Variants in SNTG2 observed in about 807,000 individuals in gnomAD.
SNTG2 encodes the protein syntrophin gamma 2.
SNTG2 carries 74 observed loss-of-function variants against 70.9 expected under a neutral mutation model. The ratio of observed to expected loss-of-function variants is 1.04; its 90% CI spans 0.86 to 1.27. SNTG2 has a LOEUF of 1.27. Among genes scored for constraint, SNTG2 ranks in the 50% most tolerant of loss-of-function variants. SNTG2 has a pLI of 0.00. For missense variants in SNTG2, 717 were observed against 690.7 expected (o/e 1.04, Z -0.43); for synonymous variants, 278 against 273.8 (o/e 1.02, Z -0.15).
At chr2:1,295,221 C>T (rs1274925287) in intron 14 of SNTG2, among the ~76,000 whole-genome samples, 3 of 152,132 alleles carry the variant, frequency 2.0e-5, no homozygotes, top group East Asian at 1.9e-4. Flanking sequence ...ACTGAAGCGG[C>T]CACATGCTGG....
At chr2:1,198,632 T>C (rs34425138) in intron 8 of SNTG2, among the ~76,000 whole-genome samples, 2,940 of 152,020 alleles carry the variant, frequency 0.019, 154 homozygotes, top group Admixed American at 0.12. Context: ...TTTAGTAAGA[T>C]AAAATTGATA....
chr2:1,120,586 A>G (rs546240126), intron 4 of SNTG2, among the ~76,000 whole-genome samples: 3 of 152,294 alleles, frequency 2.0e-5, no homozygotes, highest in South Asian at 4.1e-4. Context: ...ATGGTAGCCA[A>G]AAGAGAGAAG....
intron 2 of SNTG2, among the ~76,000 whole-genome samples, chr2:1,085,515 C>T (rs369889020): frequency 4.9e-4 from 75 of 152,282 alleles, no homozygotes; most frequent in East Asian, 2.5e-3. Flanking sequence ...ACAACATTAA[C>T]GGATAGATGT....
chr2:1,203,690 A>ATATATATATATATATG, intron 8 of SNTG2, among the ~76,000 whole-genome samples: 1 of 141,376 alleles, frequency 7.1e-6, no homozygotes, highest in African/African-American at 2.6e-5. Flanking sequence ...ATATATATAT[A>ATATATATATATATATG]TGTGTGTGTG....
At chr2:1,082,730 G>A (rs542132355) in intron 1 of SNTG2, among the ~76,000 whole-genome samples, 9 of 152,340 alleles carry the variant, frequency 5.9e-5, no homozygotes, top group Admixed American at 4.6e-4. Flanking sequence ...CCTGTGGGAC[G>A]CCCAAGCCCT....
intron 12 of SNTG2, among the ~76,000 whole-genome samples, chr2:1,249,358 CAT>C (rs779682269): frequency 6.6e-6 from 1 of 152,058 alleles, no homozygotes; most frequent in Non-Finnish European, 1.5e-5. Flanking sequence ...AGATGAAGGT[CAT>C]GTGTAAATAA....
intron 1 of SNTG2, among the ~76,000 whole-genome samples, chr2:981,704 C>T (rs1661103520): frequency 6.6e-6 from 1 of 152,158 alleles, no homozygotes; most frequent in Admixed American, 6.5e-5. Flanking sequence ...TATACACATG[C>T]ACACACAAAC....
intron 13 of SNTG2, among the ~76,000 whole-genome samples, chr2:1,265,381 T>A (rs1370918471): frequency 6.6e-6 from 1 of 152,206 alleles, no homozygotes; most frequent in East Asian, 1.9e-4. Context: ...TTTCCACACA[T>A]ACACATGTTC....
chr2:1,307,311 A>C (rs1490441657), intron 14 of SNTG2, among the ~76,000 whole-genome samples: 1 of 96,680 alleles, frequency 1.0e-5, no homozygotes, highest in African/African-American at 4.4e-5. Context: ...CCAGCCCTGC[A>C]TTGTGTGTGT....
intron 1 of SNTG2, among the ~76,000 whole-genome samples, chr2:953,282 G>A (rs920041557): frequency 6.6e-6 from 1 of 152,248 alleles, no homozygotes; most frequent in Non-Finnish European, 1.5e-5. Context: ...TGTGCGAAGT[G>A]TGTCTTGCTT....
chr2:1,241,819 C>A (rs1193344719), intron 11 of SNTG2, among the ~76,000 whole-genome samples: 1 of 152,128 alleles, frequency 6.6e-6, no homozygotes, highest in African/African-American at 2.4e-5. Context: ...CATATTAAGC[C>A]TTGTGTATTT....
At chr2:1,001,551 T>G (rs1659395724) in intron 1 of SNTG2, among the ~76,000 whole-genome samples, 1 of 151,918 alleles carries the variant, frequency 6.6e-6, no homozygotes, top group Admixed American at 6.6e-5. Flanking sequence ...AGGATTATAT[T>G]TAACCAAGGA....
intron 1 of SNTG2, among the ~76,000 whole-genome samples, chr2:992,091 A>G (rs1008651425): frequency 2.6e-5 from 4 of 152,158 alleles, no homozygotes; most frequent in African/African-American, 9.7e-5. Flanking sequence ...CGAAGCAGAT[A>G]ATGGAAATAA....
chr2:1,355,802 C>A (rs144053075), intron 16 of SNTG2, among the ~76,000 whole-genome samples: 149 of 152,314 alleles, frequency 9.8e-4, no homozygotes, highest in African/African-American at 3.5e-3. Flanking sequence ...TTTCCACCCA[C>A]AATGTGCAAG....
chr2:1,357,508 T>C (rs893960819), intron 16 of SNTG2, among the ~76,000 whole-genome samples: 2 of 152,166 alleles, frequency 1.3e-5, no homozygotes, highest in African/African-American at 4.8e-5. Flanking sequence ...GATTGCTTTA[T>C]TATAAGGGCA....
chr2:1,060,576 C>G (rs1275105265), intron 1 of SNTG2, among the ~76,000 whole-genome samples: 1 of 152,194 alleles, frequency 6.6e-6, no homozygotes, highest in Non-Finnish European at 1.5e-5. Flanking sequence ...GTATAAGGTT[C>G]ATCTGGAAGA....
rs1661121597 is a variant in SNTG2, at chr2:982,062, C to A, written c.72+30994C>A. On this transcript the variant is annotated intron_variant, in intron 1 of 16. Transcript: ENST00000308624. Reference sequence around the variant, plus strand: ...CACTTGTGCACACACATGTCCACACCCACACACATGCATCTCCAGGCTTTT... The same window carrying A: ...CACTTGTGCACACACATGTCCACACACACACACATGCATCTCCAGGCTTTT... Among the ~76,000 whole-genome samples, 3 of 152,174 alleles carry A rather than the reference C, an allele frequency of 2.0e-5. No homozygotes were observed. The South Asian group carries it at 6.2e-4, about 32-fold the overall frequency.
intron 8 of SNTG2, among the ~76,000 whole-genome samples, chr2:1,181,099 G>A (rs1671858619): frequency 6.6e-6 from 1 of 152,096 alleles, no homozygotes; most frequent in Non-Finnish European, 1.5e-5. Context: ...GATAGCATTA[G>A]GAGATATACC....
chr2:1,050,234 T>C (rs1274158677), intron 1 of SNTG2, among the ~76,000 whole-genome samples: 3 of 152,202 alleles, frequency 2.0e-5, no homozygotes, highest in East Asian at 3.8e-4. Flanking sequence ...AATTTACAAT[T>C]ACAACTTTTC....
Sources: allele counts gnomAD v4.1 joint callset (sites outside exome capture counted in the v4.1 genomes callset), GRCh38; gene constraint gnomAD v4.1.1; transcripts MANE v1.5; gene names NCBI Gene and HGNC (gene_info 2026-07-23, HGNC 2026-07-21).